RAP1GDS1: variants seen among roughly 807,000 people sequenced by gnomAD.
RAP1GDS1 encodes the protein RAP1, GTP-GDP dissociation stimulator 1.
A neutral mutation model predicts 71.1 loss-of-function variants in RAP1GDS1; 35 were observed. The observed-to-expected ratio is 0.49, with a 90% confidence interval of 0.38 to 0.65. The LOEUF (loss-of-function observed/expected upper bound fraction) is 0.65. RAP1GDS1 is among the 30% of genes least tolerant of loss of function. RAP1GDS1 has a pLI of 0.00. For missense variants in RAP1GDS1, 663 were observed against 706.1 expected, an observed-to-expected ratio of 0.94 and a Z score of 0.69; for synonymous variants, 229 against 243.1, an observed-to-expected ratio of 0.94 and a Z score of 0.54.
chr4:98,320,964 A>C (rs1316300338), intron 2 of RAP1GDS1, among the ~76,000 whole-genome samples: 1 of 123,186 alleles, frequency 8.1e-6, no homozygotes, highest in Non-Finnish European at 1.7e-5. Context: ...CAGACGATCA[A>C]ATTACTCTGA....
chr4:98,391,808 A>G, intron 5 of RAP1GDS1, 144 bp from the exon 6 acceptor site: 1 of 807,946 alleles, frequency 1.2e-6, no homozygotes. Flanking sequence ...ACACAATCAT[A>G]TGAATGGACT....
chr4:98,329,721 A>C (rs1458850339), intron 2 of RAP1GDS1, among the ~76,000 whole-genome samples: 1 of 149,380 alleles, frequency 6.7e-6, no homozygotes, highest in Non-Finnish European at 1.5e-5. Context: ...CCCAGGAGGC[A>C]GAGGTTGCAG....
chr4:98,297,216 A>G (rs1157723528), intron 2 of RAP1GDS1, among the ~76,000 whole-genome samples: 1 of 152,094 alleles, frequency 6.6e-6, no homozygotes, highest in Non-Finnish European at 1.5e-5. Flanking sequence ...CACATGTTGA[A>G]TTCTTGCTTT....
At chr4:98,264,678 A>T (rs1447600139) in intron 1 of RAP1GDS1, among the ~76,000 whole-genome samples, 1 of 152,192 alleles carries the variant, frequency 6.6e-6, no homozygotes, top group Non-Finnish European at 1.5e-5. Flanking sequence ...AGTATAAGTT[A>T]TATAAAAGAC....
intron 1 of RAP1GDS1, 195 bp downstream of exon 1, chr4:98,261,764 C>G: frequency 1.7e-6 from 1 of 598,154 alleles, no homozygotes; most frequent in East Asian, 4.7e-5. Flanking sequence ...GTCCCGAGCG[C>G]GGGCTGGGGT....
chr4:98,428,416 C>T (rs1221300672), intron 12 of RAP1GDS1, among the ~76,000 whole-genome samples: 11 of 152,100 alleles, frequency 7.2e-5, no homozygotes, highest in African/African-American at 1.9e-4. Flanking sequence ...AAACAGACAA[C>T]CCACAGAGTG....
chr4:98,288,717 C>T lies in RAP1GDS1; in HGVS notation c.5-4691C>T, dbSNP rs963935027. On this transcript the variant is annotated intron_variant, in intron 1 of 14. Transcript: ENST00000408927. ...TGTTGTTTCCTGACTTTTTAATGATCGCCATTCTAACTGGTGTGAGATGGT... is the reference window on the plus strand; with the variant it reads ...TGTTGTTTCCTGACTTTTTAATGATTGCCATTCTAACTGGTGTGAGATGGT... Among the ~76,000 whole-genome samples the T allele has an allele frequency of 5.3e-5, 8 of 152,242 alleles. No homozygotes were observed. The South Asian group carries it at 1.0e-3, about 20-fold the overall frequency.
In RAP1GDS1 at chr4:98,352,600, C is replaced by T; in HGVS notation, c.360C>T (p.Ser120=). The part of the protein sequence containing the change: ...GRALGNICYD[S]HEGRSAVDQA... ...CTCTAGGAAACATATGTTACGATAG[C>T]CGTAAGTGTTGACATCTCAATAATA... Residue 120 remains serine, a splice_region_variant and synonymous_variant, in exon 4 of 15, where the codon AGC becomes AGT. Coordinates refer to ENST00000408927, the MANE Select transcript of RAP1GDS1 (RefSeq NM_001100427.2). 1 of 1,613,296 alleles carries T rather than the reference C, an allele frequency of 6.2e-7. No homozygotes were observed. Among genetic ancestry groups the T allele is most frequent in the Non-Finnish European group, 8.5e-7 (1 of 1,179,684 alleles).
intron 1 of RAP1GDS1, among the ~76,000 whole-genome samples, chr4:98,291,801 T>C (rs1726975624): frequency 1.3e-5 from 2 of 152,170 alleles, no homozygotes; most frequent in African/African-American, 4.8e-5. Flanking sequence ...GAGCCATACA[T>C]GTCCAGTAGT....
rs1259778841 is a variant in RAP1GDS1, at chr4:98,418,637, AT to A, written c.1040-19del. 6.3e-7 allele frequency: 1 copy of A among 1,577,682 alleles called. No individual in the cohort carries two copies. Among genetic ancestry groups the A allele is most frequent in the African/African-American group, 1.4e-5 (1 of 72,570 alleles). ...AGATATTTTAAAGAGGAAGAAAAAGATGTGTGTTTTTTTTTTCAGATGCAAA... is the reference window on the plus strand; with the variant it reads ...AGATATTTTAAAGAGGAAGAAAAAGAGTGTGTTTTTTTTTTCAGATGCAAA... On this transcript the variant is annotated intron_variant, in intron 9 of 14. Coordinates refer to ENST00000408927, the MANE Select transcript of RAP1GDS1 (RefSeq NM_001100427.2).
intron 6 of RAP1GDS1, among the ~76,000 whole-genome samples, chr4:98,402,059 CTACT>C (rs1449677581): frequency 6.6e-6 from 1 of 151,916 alleles, no homozygotes; most frequent in African/African-American, 2.4e-5. Flanking sequence ...TAAATCATCT[CTACT>C]TACTTTTTAT....
chr4:98,434,202 A>G, intron 13 of RAP1GDS1, 140 bp downstream of exon 13: 4 of 1,051,592 alleles, frequency 3.8e-6, no homozygotes, highest in Non-Finnish European at 5.4e-6. Context: ...ATCTATGGAA[A>G]ATCATTCTAT....
chr4:98,263,006 C>A (rs960713169), intron 1 of RAP1GDS1, among the ~76,000 whole-genome samples: 3 of 151,996 alleles, frequency 2.0e-5, no homozygotes, highest in African/African-American at 7.3e-5. Flanking sequence ...ATTGGGTGGC[C>A]CATTTATGCG....
intron 13 of RAP1GDS1, among the ~76,000 whole-genome samples, chr4:98,436,109 G>T (rs1396119869): frequency 6.6e-6 from 1 of 151,460 alleles, no homozygotes; most frequent in Non-Finnish European, 1.5e-5. Flanking sequence ...TCGGTATAAG[G>T]TACGAGGTTT....
intron 4 of RAP1GDS1, among the ~76,000 whole-genome samples, chr4:98,369,351 A>G (rs779279997): frequency 6.6e-6 from 1 of 152,186 alleles, no homozygotes; most frequent in Non-Finnish European, 1.5e-5. Context: ...ACTCACAAAT[A>G]CACACCTATG....
At chr4:98,438,853 G>A (rs1300612879) in intron 14 of RAP1GDS1, among the ~76,000 whole-genome samples, 1 of 151,640 alleles carries the variant, frequency 6.6e-6, no homozygotes, top group Non-Finnish European at 1.5e-5. Flanking sequence ...CACCTGCCTT[G>A]GCCTCCCAAA....
chr4:98,426,481 G>C (rs1749632668), intron 12 of RAP1GDS1, among the ~76,000 whole-genome samples: 1 of 151,868 alleles, frequency 6.6e-6, no homozygotes. Context: ...CCATAACCAA[G>C]AAAAGAAGAG....
chr4:98,395,098 T>C (rs901435754), intron 6 of RAP1GDS1, among the ~76,000 whole-genome samples: 1 of 152,160 alleles, frequency 6.6e-6, no homozygotes, highest in Non-Finnish European at 1.5e-5. Context: ...AGGCAGTCTT[T>C]TGTATTAGAG....
intron 1 of RAP1GDS1, among the ~76,000 whole-genome samples, chr4:98,261,889 C>A (rs906363226): frequency 2.0e-5 from 3 of 152,088 alleles, no homozygotes; most frequent in Admixed American, 2.0e-4. Context: ...CTCGCGGGCT[C>A]GCATCTGCAG....
Sources: allele counts gnomAD v4.1 joint callset (sites outside exome capture counted in the v4.1 genomes callset), GRCh38; gene constraint gnomAD v4.1.1; transcripts MANE v1.5; gene names NCBI Gene and HGNC (gene_info 2026-07-23, HGNC 2026-07-21).